The following NEGR1 variants were observed in gnomAD, a reference collection of about 807,000 sequenced individuals.
NEGR1 encodes neuronal growth regulator 1.
NEGR1 carries 10 observed loss-of-function variants against 40.9 expected under a neutral mutation model. The ratio of observed to expected loss-of-function variants is 0.24; its 90% confidence interval spans 0.15 to 0.42. The LOEUF is 0.42. Ranked by LOEUF, NEGR1 falls within the 10% of genes least tolerant of loss-of-function variation. NEGR1 has a pLI of 1.00. For synonymous variants in NEGR1, 185 were observed against 166.8 expected (o/e 1.11, Z -0.84); for missense variants, 352 against 438.9 (o/e 0.80, Z 1.77).
intron 1 of NEGR1, among the ~76,000 whole-genome samples, chr1:72,185,260 G>C (rs1157141190): frequency 6.6e-6 from 1 of 151,724 alleles, no homozygotes; most frequent in Non-Finnish European, 1.5e-5. Flanking sequence ...AATTTGAATA[G>C]TGTTTAGAAT....
chr1:71,401,728 T>C lies in NEGR1; in HGVS notation c.*5718A>G, dbSNP rs1293080319. 6.6e-6 allele frequency: 1 copy of C among 152,202 alleles called. No individual in the cohort carries two copies. The highest frequency in any genetic ancestry group is 1.9e-4 in the East Asian group (1 of 5,198). 9.4% of individuals were successfully genotyped at this position (152,202 alleles called of 1,614,324 possible). On this transcript the variant is annotated 3_prime_UTR_variant, in exon 7 of 7. Transcript: ENST00000357731. ...CAAAATTCTGTTGATTGCAGATGTC[T>C]GAGGAATAGTCTTAGTGGATTATCC... is the stretch of plus-strand genomic sequence containing the variant.
intron 1 of NEGR1, among the ~76,000 whole-genome samples, chr1:72,067,418 T>C (rs1380230474): frequency 1.3e-5 from 2 of 152,082 alleles, no homozygotes; most frequent in African/African-American, 4.8e-5. Context: ...AAACAGAAGA[T>C]AAAATGCATA....
At chr1:71,458,988 T>A (rs1234581778) in intron 6 of NEGR1, among the ~76,000 whole-genome samples, 2 of 152,228 alleles carry the variant, frequency 1.3e-5, no homozygotes, top group East Asian at 3.9e-4. Context: ...TCAAACCAAG[T>A]TCCAGAGTTT....
chr1:72,123,490 T>C (rs919533033), intron 1 of NEGR1, among the ~76,000 whole-genome samples: 3 of 151,768 alleles, frequency 2.0e-5, no homozygotes, highest in African/African-American at 7.2e-5. Context: ...CATATGGAGA[T>C]AAAGGCAAAT....
At chr1:71,622,698 G>T (rs997836799) in intron 4 of NEGR1, among the ~76,000 whole-genome samples, 1 of 151,756 alleles carries the variant, frequency 6.6e-6, no homozygotes, top group Non-Finnish European at 1.5e-5. Flanking sequence ...ATATACATTC[G>T]AGATAGGTGA....
At chr1:71,582,840 T>C (rs1203376825) in intron 6 of NEGR1, among the ~76,000 whole-genome samples, 1 of 152,194 alleles carries the variant, frequency 6.6e-6, no homozygotes, top group Non-Finnish European at 1.5e-5. Flanking sequence ...AGTAATTCAA[T>C]TGCAGGCAGA....
intron 1 of NEGR1, among the ~76,000 whole-genome samples, chr1:71,963,594 C>T (rs1046317727): frequency 2.0e-5 from 3 of 152,062 alleles, no homozygotes; most frequent in African/African-American, 7.2e-5. Flanking sequence ...TCTCACCATT[C>T]CTTTGCTCAT....
chr1:71,520,592 G>A (rs1395754915), intron 6 of NEGR1, among the ~76,000 whole-genome samples: 7 of 151,964 alleles, frequency 4.6e-5, no homozygotes, highest in Non-Finnish European at 7.4e-5. Flanking sequence ...CAAAAGCCTA[G>A]AACCCTTTTT....
chr1:71,885,996 A>C (rs780842440), intron 2 of NEGR1, among the ~76,000 whole-genome samples: 4 of 152,344 alleles, frequency 2.6e-5, no homozygotes, highest in Non-Finnish European at 5.9e-5. Flanking sequence ...TAGGTAATTA[A>C]ATCTTGCAAT....
intron 4 of NEGR1, among the ~76,000 whole-genome samples, chr1:71,625,668 T>A (rs907064927): frequency 3.3e-5 from 5 of 151,598 alleles, no homozygotes; most frequent in East Asian, 3.9e-4. Context: ...GTGTTATTTT[T>A]CTATATTTTA....
intron 4 of NEGR1, among the ~76,000 whole-genome samples, chr1:71,631,875 T>A (rs370625842): frequency 6.6e-6 from 1 of 151,736 alleles, no homozygotes; most frequent in African/African-American, 2.4e-5. Context: ...ATATGCACGT[T>A]CATACAGTAT....
intron 1 of NEGR1, among the ~76,000 whole-genome samples, chr1:71,938,291 T>A (rs1378614053): frequency 6.6e-6 from 1 of 151,970 alleles, no homozygotes; most frequent in Non-Finnish European, 1.5e-5. Flanking sequence ...GGCTATGTTA[T>A]GAAATCATAT....
At chr1:72,169,400 ATTAAT>A (rs1339391838) in intron 1 of NEGR1, among the ~76,000 whole-genome samples, 3 of 152,308 alleles carry the variant, frequency 2.0e-5, no homozygotes, top group Admixed American at 1.3e-4. Context: ...TACACTATAT[ATTAAT>A]TTAATAGTGG....
At chr1:72,063,476 G>T (rs547499281) in intron 1 of NEGR1, among the ~76,000 whole-genome samples, 1 of 151,964 alleles carries the variant, frequency 6.6e-6, no homozygotes, top group East Asian at 2.0e-4. Context: ...TTTTGCCATT[G>T]TAACGGCAAA....
At chr1:71,493,114 T>C (rs1646940206) in intron 6 of NEGR1, among the ~76,000 whole-genome samples, 1 of 152,162 alleles carries the variant, frequency 6.6e-6, no homozygotes, top group Non-Finnish European at 1.5e-5. Flanking sequence ...GTTTTATCCT[T>C]CTGTTCTACA....
intron 6 of NEGR1, among the ~76,000 whole-genome samples, chr1:71,555,270 T>C (rs1429421556): frequency 6.6e-6 from 1 of 151,046 alleles, no homozygotes; most frequent in South Asian, 2.1e-4. Flanking sequence ...AACTGATGAA[T>C]TGGTAGTAGA....
At chr1:71,521,562 C>G (rs564971782) in intron 6 of NEGR1, among the ~76,000 whole-genome samples, 1 of 152,028 alleles carries the variant, frequency 6.6e-6, no homozygotes, top group Non-Finnish European at 1.5e-5. Flanking sequence ...TCCTATCTCA[C>G]TCAGTCCCAA....
intron 1 of NEGR1, among the ~76,000 whole-genome samples, chr1:72,134,937 A>G (rs1184871963): frequency 6.6e-6 from 1 of 150,780 alleles, no homozygotes; most frequent in African/African-American, 2.4e-5. Context: ...GGGTTTCTCC[A>G]TGTTGGTCAG....
chr1:72,036,880 A>AAT lies in NEGR1; in HGVS notation c.177-101571_177-101570dup, dbSNP rs953867382. ...TGTTTTTGCAACAAGGTGAGATATAAATATATATATCAGTGTAAAATGTGT... is the reference window on the plus strand; with the variant it reads ...TGTTTTTGCAACAAGGTGAGATATAAATATATATATATCAGTGTAAAATGTGT... On this transcript the variant is annotated intron_variant, in intron 1 of 6. Transcript: ENST00000357731. 1.4e-4 allele frequency among the ~76,000 whole-genome samples: 22 copies of AAT among 152,140 alleles called. No homozygotes were observed. In the South Asian group the frequency reaches 1.9e-3, roughly 13 times the overall value.
Sources: allele counts gnomAD v4.1 joint callset (sites outside exome capture counted in the v4.1 genomes callset), GRCh38; gene constraint gnomAD v4.1.1; transcripts MANE v1.5; gene names NCBI Gene and HGNC (gene_info 2026-07-23, HGNC 2026-07-21).